The following ABI3BP variants were observed in gnomAD, a reference collection of about 807,000 sequenced individuals.
The protein encoded by ABI3BP is target of Nesh-SH3.
In ABI3BP, 216 loss-of-function variants were observed where a neutral mutation model predicts 268.6. That is an observed-to-expected ratio of 0.80 (90% CI 0.72 to 0.90). ABI3BP has a LOEUF of 0.90. Among genes scored for constraint, ABI3BP ranks in the 40% least tolerant of loss-of-function variants. The pLI is 0.00. For missense variants in ABI3BP, 2,090 were observed against 2,182.4 expected, an observed-to-expected ratio of 0.96 and a Z score of 0.84; for synonymous variants, 730 against 730.0, an observed-to-expected ratio of 1.00 and a Z score of 0.00.
At chr3:100,758,185 T>C (rs759268697) in intron 63 of ABI3BP, among the ~76,000 whole-genome samples, 98 of 152,182 alleles carry the variant, frequency 6.4e-4, no homozygotes, top group Non-Finnish European at 1.1e-3. Context: ...ACATGGGTTC[T>C]AGAACCAGAA....
chr3:100,933,645 A>ATATC (rs1251398233), intron 1 of ABI3BP, among the ~76,000 whole-genome samples: 1 of 150,662 alleles, frequency 6.6e-6, no homozygotes, highest in African/African-American at 2.4e-5. Context: ...ATATATATAT[A>ATATC]TCTATTGAAG....
chr3:100,823,031 G>A (rs957126533), intron 37 of ABI3BP, among the ~76,000 whole-genome samples: 2 of 151,982 alleles, frequency 1.3e-5, no homozygotes, highest in East Asian at 1.9e-4. Context: ...ATTCTATAGA[G>A]CTCTTAAAAT....
chr3:100,820,996 G>T, intron 39 of ABI3BP, 58 bp downstream of exon 39: 1 of 1,381,258 alleles, frequency 7.2e-7, no homozygotes, highest in Non-Finnish European at 9.9e-7. Flanking sequence ...TATGATGATG[G>T]AATGGGTTTG....
chr3:100,847,417 T>C (rs1461668999), intron 19 of ABI3BP, among the ~76,000 whole-genome samples, 185 bp downstream of exon 19: 2 of 152,226 alleles, frequency 1.3e-5, no homozygotes, highest in African/African-American at 2.4e-5. Context: ...ATCTACTAAC[T>C]GTTGGGCCAG....
intron 1 of ABI3BP, among the ~76,000 whole-genome samples, chr3:100,963,726 A>C (rs2080089069): frequency 6.6e-6 from 1 of 152,154 alleles, no homozygotes; most frequent in African/African-American, 2.4e-5. Context: ...CGCACTGGCC[A>C]GCTGTTATTT....
At chr3:100,989,052 G>A (rs1290518206) in intron 1 of ABI3BP, among the ~76,000 whole-genome samples, 4 of 152,176 alleles carry the variant, frequency 2.6e-5, no homozygotes, top group Admixed American at 6.5e-5. Context: ...CCTTTAAGAG[G>A]TGATTAGGCC....
chr3:100,853,852 T>C (rs1344954634), intron 14 of ABI3BP, among the ~76,000 whole-genome samples: 4 of 152,180 alleles, frequency 2.6e-5, no homozygotes, highest in African/African-American at 9.7e-5. Flanking sequence ...AAACATTTTA[T>C]CAAATATACT....
At chr3:100,875,455 C>T (rs2099151923) in intron 8 of ABI3BP, 53 bp downstream of exon 8, 1 of 1,407,386 alleles carries the variant, frequency 7.1e-7, no homozygotes, top group African/African-American at 1.4e-5. Flanking sequence ...GCCCTATCCT[C>T]AAAAGATAGC....
chr3:100,863,029 C>T, intron 12 of ABI3BP, 120 bp from the exon 13 acceptor site: 1 of 657,784 alleles, frequency 1.5e-6, no homozygotes, highest in Non-Finnish European at 2.6e-6. Flanking sequence ...GTTAAGAGAC[C>T]ATTAGTAGTA....
rs1245595279 is a variant in ABI3BP, at chr3:100,866,881, GT to G, written c.985del (p.Thr329GlnfsTer2). The G allele has an allele frequency of 6.2e-7, 1 of 1,613,250 alleles. No individual in the cohort carries two copies. The highest frequency in any genetic ancestry group is 1.3e-5 in the African/African-American group (1 of 74,902). On this transcript the variant is annotated frameshift_variant, in exon 10 of 68. Coordinates refer to ENST00000471714, the MANE Select transcript of ABI3BP (RefSeq NM_001375547.2). LOFTEE classifies it high-confidence loss of function. ...EVEKISARPT[T>X]VTPETVPRST... ...CAACAACATAGCGATCTCATTACCT[GT>G]TGTGGGTCGTGCTGAGATTTTTTCA...
chr3:100,749,421 G>A lies in ABI3BP; in HGVS notation c.*1074C>T. 1 of 384,984 alleles carries A rather than the reference G, an allele frequency of 2.6e-6. No individual in the cohort carries two copies. The highest frequency in any genetic ancestry group is 3.7e-5 in the East Asian group (1 of 27,106). The allele number at this position is 384,984 out of a possible 1,614,324, so 23.8% of individuals were successfully genotyped here. A position where few individuals can be genotyped will look rare whatever the true frequency, so the allele number is the denominator to read the frequency against. ...AGCGTTGATAAGATTGAAGCATGTT[G>A]AAAGGTAAGTACAGGGAAAGGTCCT... On this transcript the variant is annotated 3_prime_UTR_variant, in exon 68 of 68. Transcript: ENST00000471714.
chr3:100,790,158 A>G (rs2097159725), intron 55 of ABI3BP, among the ~76,000 whole-genome samples: 1 of 152,034 alleles, frequency 6.6e-6, no homozygotes, highest in South Asian at 2.1e-4. Context: ...CCAATTATCC[A>G]GGACCTGCAC....
chr3:100,832,341 G>T lies in ABI3BP; in HGVS notation c.2324C>A (p.Thr775Lys). ...TGGACGACGGGTTCTTTTTGTTGTT[G>T]TTGTTGGAGCTGAAGGAAGAAAATT... ...ITPGTSSAPT[T>K]TTKRTRRPHP... Residue 775 changes from threonine to lysine, a missense_variant, in exon 31 of 68, where the codon ACA (threonine) becomes AAA (lysine). Thr to Lys is a moderately conservative substitution (Grantham distance 78, BLOSUM62 -1). Coordinates refer to ENST00000471714, the MANE Select transcript of ABI3BP (RefSeq NM_001375547.2). 6.5e-7 allele frequency: 1 copy of T among 1,535,378 alleles called. No individual in the cohort carries two copies. Among genetic ancestry groups the T allele is most frequent in the South Asian group, 1.2e-5 (1 of 84,022 alleles).
Position 100,752,896 on chromosome 3 carries a change from TGAGTAA to T in ABI3BP, c.5007_5012del (p.Tyr1670_Ser1671del). 1 of 1,613,518 alleles carries T rather than the reference TGAGTAA, an allele frequency of 6.2e-7. No individual in the cohort carries two copies. The highest frequency in any genetic ancestry group is 1.1e-5 in the South Asian group (1 of 91,060). ...TGACATATTGTTTGCCCTTACACTC[TGAGTAA>T]GAGTCTGAATTAAAGGGTCTTTCAG... On this transcript the variant is annotated inframe_deletion, in exon 66 of 68. Transcript: ENST00000471714.
intron 12 of ABI3BP, chr3:100,863,755 G>T: frequency 2.2e-6 from 1 of 448,716 alleles, no homozygotes; most frequent in Non-Finnish European, 4.0e-6. Flanking sequence ...TGATCAATTT[G>T]TTCAGTGACA....
chr3:100,762,221 A>T (rs1352444614), intron 63 of ABI3BP, among the ~76,000 whole-genome samples: 2 of 152,216 alleles, frequency 1.3e-5, no homozygotes, highest in Non-Finnish European at 2.9e-5. Context: ...TAGAAGAAAC[A>T]CAATGGAAAG....
chr3:100,826,081 A>T (rs1034771925), intron 34 of ABI3BP, among the ~76,000 whole-genome samples: 3 of 152,194 alleles, frequency 2.0e-5, no homozygotes, highest in Non-Finnish European at 2.9e-5. Context: ...AAATGAGGTC[A>T]TAAAGGTAGA....
intron 55 of ABI3BP, 95 bp from the exon 56 acceptor site, chr3:100,789,611 T>C: frequency 8.6e-7 from 1 of 1,167,840 alleles, no homozygotes; most frequent in Non-Finnish European, 1.2e-6. Context: ...TCATACACTT[T>C]GCATGGACGT....
intron 1 of ABI3BP, among the ~76,000 whole-genome samples, chr3:100,951,610 T>C (rs937423372): frequency 6.6e-6 from 1 of 151,934 alleles, no homozygotes; most frequent in Non-Finnish European, 1.5e-5. Context: ...CCAGTTTACT[T>C]CTCTACCATC....
Sources: allele counts gnomAD v4.1 joint callset (sites outside exome capture counted in the v4.1 genomes callset), GRCh38; gene constraint gnomAD v4.1.1; transcripts MANE v1.5; gene names NCBI Gene and HGNC (gene_info 2026-07-23, HGNC 2026-07-21).